GAD1: variants seen among roughly 807,000 people sequenced by gnomAD.
GAD1 encodes glutamate decarboxylase 1.
In GAD1, 35 loss-of-function variants were observed where a neutral mutation model predicts 75.2. That is an observed-to-expected ratio of 0.47 (90% CI 0.36 to 0.62). GAD1 has a LOEUF of 0.62. GAD1 is among the 20% of genes least tolerant of loss of function. The probability of loss-of-function intolerance (pLI) is 0.00; values close to 1 mark genes in which losing one functional copy is unlikely to be tolerated. For missense variants in GAD1, 490 were observed against 758.5 expected (o/e 0.65, Z 4.16); for synonymous variants, 257 against 271.9 (o/e 0.95, Z 0.54).
At chr2:170,821,777 CCAACTCCGACCCCACCT>C (rs1382533965) in intron 2 of GAD1, 3 of 442,328 alleles carry the variant, frequency 6.8e-6, no homozygotes, top group African/African-American at 6.0e-5. Flanking sequence ...CAGCCTTCAC[CCAACTCCGACCCCACCT>C]CCGGAGCTGC....
intron 5 of GAD1, among the ~76,000 whole-genome samples, chr2:170,834,995 C>G (rs1419350235): frequency 6.6e-6 from 1 of 152,124 alleles, no homozygotes; most frequent in African/African-American, 2.4e-5. Flanking sequence ...TGGTCTCGAA[C>G]TCCTGACTTC....
intron 5 of GAD1, among the ~76,000 whole-genome samples, chr2:170,833,752 G>A (rs1046049005): frequency 1.3e-5 from 2 of 152,214 alleles, no homozygotes; most frequent in Non-Finnish European, 2.9e-5. Context: ...GCTCACACTC[G>A]TGATCCCATC....
At chr2:170,851,779 A>C (rs1352735837) in intron 12 of GAD1, among the ~76,000 whole-genome samples, 1 of 152,234 alleles carries the variant, frequency 6.6e-6, no homozygotes, top group African/African-American at 2.4e-5. Context: ...TGCCCTAGCT[A>C]GTGTGCTCCT....
intron 6 of GAD1, among the ~76,000 whole-genome samples, chr2:170,842,192 C>A (rs1559280617): frequency 6.6e-6 from 1 of 152,164 alleles, no homozygotes; most frequent in Non-Finnish European, 1.5e-5. Flanking sequence ...TGGAGTGGGA[C>A]CTATGCCTGA....
intron 3 of GAD1, 165 bp from the exon 4 acceptor site, chr2:170,829,310 C>T: frequency 1.3e-6 from 1 of 755,164 alleles, no homozygotes; most frequent in Non-Finnish European, 2.2e-6. Flanking sequence ...CCCCTCCCTG[C>T]CTGAAGGCGA....
intron 14 of GAD1, among the ~76,000 whole-genome samples, chr2:170,855,294 C>T (rs1210405671): frequency 6.6e-6 from 1 of 151,128 alleles, no homozygotes; most frequent in Non-Finnish European, 1.5e-5. Flanking sequence ...CTGCAACCTC[C>T]GTCTCCCAGA....
chr2:170,832,660 G>GCA (rs1437651895), intron 5 of GAD1, among the ~76,000 whole-genome samples: 26 of 79,470 alleles, frequency 3.3e-4, no homozygotes, highest in East Asian at 3.1e-3. Context: ...ATGCGCGCGC[G>GCA]CGCGCACACA....
rs1051834067 is a variant in GAD1, at chr2:170,853,532, C to T, written c.1264-341C>T. 3 of 315,722 alleles carry T rather than the reference C, an allele frequency of 9.5e-6. No individual in the cohort carries two copies. The highest frequency in any genetic ancestry group is 8.1e-5 in the Admixed American group (2 of 24,768). The allele number at this position is 315,722 out of a possible 1,614,324, so 19.6% of individuals were successfully genotyped here. A position where few individuals can be genotyped will look rare whatever the true frequency, so the allele number is the denominator to read the frequency against. ...TTCTTCACAGCATGAAACTATCCCACCCACTGAGGAATTTTCTATCTCTAA... is the reference window on the plus strand; with the variant it reads ...TTCTTCACAGCATGAAACTATCCCATCCACTGAGGAATTTTCTATCTCTAA... On this transcript the variant is annotated intron_variant, in intron 13 of 16. Coordinates refer to ENST00000358196, the MANE Select transcript of GAD1 (RefSeq NM_000817.3). This position sits in a 1 kb window ranked among gnomAD's most constrained non-coding sequence, Gnocchi z 4.1.
At chr2:170,831,594 ATGTG>A (rs370649454) in intron 5 of GAD1, among the ~76,000 whole-genome samples, 1,777 of 122,754 alleles carry the variant, frequency 0.014, 9 homozygotes, top group Admixed American at 0.019. Flanking sequence ...GTCTCTACAT[ATGTG>A]TGTGTGTGTG....
At chr2:170,839,927 A>T (rs1440888652) in intron 6 of GAD1, among the ~76,000 whole-genome samples, 2 of 152,206 alleles carry the variant, frequency 1.3e-5, no homozygotes, top group Non-Finnish European at 2.9e-5. Flanking sequence ...TTATTTTCAT[A>T]GAAAATATCC....
intron 10 of GAD1, among the ~76,000 whole-genome samples, chr2:170,847,278 CTTA>C (rs1407503749): frequency 6.6e-6 from 1 of 152,190 alleles, no homozygotes; most frequent in Non-Finnish European, 1.5e-5. Context: ...ATTCCAAACA[CTTA>C]TTATTACTCT....
At chr2:170,840,508 C>T (rs557666407) in intron 6 of GAD1, among the ~76,000 whole-genome samples, 2 of 152,170 alleles carry the variant, frequency 1.3e-5, no homozygotes, top group East Asian at 3.9e-4. Context: ...CCTTTCTAAT[C>T]CCTATTGTAG....
At chr2:170,820,559 G>A (rs542204425) in intron 2 of GAD1, among the ~76,000 whole-genome samples, 1 of 152,340 alleles carries the variant, frequency 6.6e-6, no homozygotes, top group East Asian at 1.9e-4. Context: ...CTCCTGGGAG[G>A]TGGCGTTAGT....
chr2:170,840,568 G>A (rs1362984504), intron 6 of GAD1, among the ~76,000 whole-genome samples: 1 of 149,166 alleles, frequency 6.7e-6, no homozygotes, highest in East Asian at 2.0e-4. Context: ...CTGGCTGCTG[G>A]AGCTCCAGCC....
At chr2:170,842,495 C>T (rs540633758) in intron 6 of GAD1, 3 of 1,298,594 alleles carry the variant, frequency 2.3e-6, no homozygotes, top group Non-Finnish European at 3.4e-6. Context: ...AAAAGCCCAT[C>T]ATGAGTTTGC....
At chr2:170,823,282 GCT>G (rs1199715561) in intron 3 of GAD1, among the ~76,000 whole-genome samples, 1 of 152,234 alleles carries the variant, frequency 6.6e-6, no homozygotes, top group Non-Finnish European at 1.5e-5. Flanking sequence ...CCGCCTGGGT[GCT>G]CTCTGCACCT....
At chr2:170,823,255 GCGCCGAGAGC>G (rs1701939859) in intron 3 of GAD1, among the ~76,000 whole-genome samples, 1 of 152,206 alleles carries the variant, frequency 6.6e-6, no homozygotes, top group African/African-American at 2.4e-5. Flanking sequence ...TAGCCCCGGA[GCGCCGAGAGC>G]CGCCCGCCGC....
intron 11 of GAD1, among the ~76,000 whole-genome samples, chr2:170,848,417 G>A (rs1243132261): frequency 1.3e-5 from 2 of 149,426 alleles, no homozygotes; most frequent in Non-Finnish European, 3.0e-5. Flanking sequence ...AGAATCACTT[G>A]AACCTAGGGA....
chr2:170,859,543 C>G (rs1702917901), intron 16 of GAD1, among the ~76,000 whole-genome samples, 166 bp from the exon 17 acceptor site: 1 of 152,144 alleles, frequency 6.6e-6, no homozygotes, highest in Admixed American at 6.5e-5. Flanking sequence ...AACTTGTGAC[C>G]AGGTAGTCAT....
Sources: allele counts gnomAD v4.1 joint callset (sites outside exome capture counted in the v4.1 genomes callset), GRCh38; gene constraint gnomAD v4.1.1; non-coding constraint Gnocchi (gnomAD v3.1); transcripts MANE v1.5; gene names NCBI Gene and HGNC (gene_info 2026-07-23, HGNC 2026-07-21).